Variants in ZNF536 observed in about 807,000 individuals in gnomAD.
ZNF536 encodes zinc finger protein 536.
In ZNF536, 13 loss-of-function variants were observed where a neutral mutation model predicts 84.5. The observed-to-expected ratio is 0.15, with a 90% confidence interval of 0.10 to 0.24. ZNF536 has a LOEUF of 0.24. Ranked by LOEUF, ZNF536 falls within the 10% of genes least tolerant of loss-of-function variation. ZNF536 has a pLI of 1.00. For missense variants in ZNF536, 1,536 were observed against 1,747.5 expected (o/e 0.88, Z 2.16); for synonymous variants, 811 against 742.5 (o/e 1.09, Z -1.50).
chr19:30,575,682 A>G (rs946676619), intron 1 of ZNF536, among the ~76,000 whole-genome samples: 1 of 152,198 alleles, frequency 6.6e-6, no homozygotes, highest in Non-Finnish European at 1.5e-5. Flanking sequence ...TGAGAAGGCT[A>G]TGGAGAGAAA....
chr19:30,673,739 C>T (rs1333138441), intron 1 of ZNF536, among the ~76,000 whole-genome samples: 2 of 152,212 alleles, frequency 1.3e-5, no homozygotes, highest in African/African-American at 2.4e-5. Context: ...CACCCCAAAC[C>T]GTGCACGGAC....
At chr19:30,325,907 C>T (rs966240440) in intron 2 of ZNF536, among the ~76,000 whole-genome samples, 142 of 152,218 alleles carry the variant, frequency 9.3e-4, no homozygotes, top group Non-Finnish European at 1.1e-3. Flanking sequence ...CTAACTGTGA[C>T]GGGAGGGGCT....
chr19:30,671,507 G>A (rs1473670152), intron 1 of ZNF536, among the ~76,000 whole-genome samples: 1 of 152,126 alleles, frequency 6.6e-6, no homozygotes. Context: ...AAGTGACTCT[G>A]GGGCTTCAGG....
intron 2 of ZNF536, among the ~76,000 whole-genome samples, chr19:30,453,690 C>A (rs1420371662): frequency 2.0e-5 from 3 of 152,208 alleles, no homozygotes; most frequent in Admixed American, 6.5e-5. Context: ...ACTGCAGAGT[C>A]CCAAAACAAT....
At chr19:30,261,876 T>C (rs2025245636) in intron 1 of ZNF536, among the ~76,000 whole-genome samples, 1 of 152,070 alleles carries the variant, frequency 6.6e-6, no homozygotes, top group Non-Finnish European at 1.5e-5. Context: ...TGAACCTCCT[T>C]GGCCATCCCC....
At chr19:30,415,960 T>C (rs960134846) in intron 1 of ZNF536, among the ~76,000 whole-genome samples, 1 of 152,206 alleles carries the variant, frequency 6.6e-6, no homozygotes, top group Non-Finnish European at 1.5e-5. Flanking sequence ...CTGGAACTTC[T>C]ACTTGATGGG....
At chr19:30,448,812 AG>A (rs1167968154) in intron 2 of ZNF536, among the ~76,000 whole-genome samples, 1 of 152,188 alleles carries the variant, frequency 6.6e-6, no homozygotes, top group Non-Finnish European at 1.5e-5. Context: ...TTTGCAAAGA[AG>A]GATTGGGAAC....
intron 1 of ZNF536, among the ~76,000 whole-genome samples, chr19:30,577,719 G>GC (rs2046789040): frequency 6.6e-6 from 1 of 152,160 alleles, no homozygotes; most frequent in African/African-American, 2.4e-5. Context: ...ATTCAGTGCT[G>GC]CCCCTGTCTG....
intron 1 of ZNF536, among the ~76,000 whole-genome samples, chr19:30,620,645 G>A (rs1033206402): frequency 1.3e-5 from 2 of 152,132 alleles, no homozygotes; most frequent in East Asian, 1.9e-4. Context: ...TGGAGACATC[G>A]GGGTGAGCTG....
At chr19:30,659,428 C>CCCA in intron 1 of ZNF536, among the ~76,000 whole-genome samples, 1 of 152,222 alleles carries the variant, frequency 6.6e-6, no homozygotes, top group East Asian at 1.9e-4. Context: ...TCCAATCACT[C>CCCA]CCACCAGGTC....
At chr19:30,665,650 T>G (rs2050288087) in intron 1 of ZNF536, 1 of 152,272 alleles carries the variant, frequency 6.6e-6, no homozygotes, top group South Asian at 2.1e-4. Flanking sequence ...GGGTAAATTC[T>G]GTTTCGAAAC....
At chr19:30,244,278 A>G (rs1275547802) in intron 1 of ZNF536, among the ~76,000 whole-genome samples, 1 of 151,908 alleles carries the variant, frequency 6.6e-6, no homozygotes, top group Non-Finnish European at 1.5e-5. Context: ...AGTTCTTCAT[A>G]GAGTCTTTAA....
chr19:30,570,830 C>T (rs923867765), intron 1 of ZNF536, among the ~76,000 whole-genome samples: 10 of 152,166 alleles, frequency 6.6e-5, no homozygotes, highest in African/African-American at 1.9e-4. Context: ...ATGAAAATAG[C>T]GTTCGCTGCT....
At chr19:30,700,560 A>T (rs951738879) in intron 1 of ZNF536, among the ~76,000 whole-genome samples, 1 of 151,820 alleles carries the variant, frequency 6.6e-6, no homozygotes, top group African/African-American at 2.4e-5. Context: ...GCTCATTTTA[A>T]AATTTTTGTA....
At chr19:30,450,996 C>T (rs1378312396) in intron 2 of ZNF536, among the ~76,000 whole-genome samples, 7 of 152,270 alleles carry the variant, frequency 4.6e-5, no homozygotes, top group Non-Finnish European at 8.8e-5. Context: ...CGTGTGCAGG[C>T]GGCCGCCGTG....
intron 1 of ZNF536, among the ~76,000 whole-genome samples, chr19:30,566,644 G>T (rs946443606): frequency 6.6e-6 from 1 of 150,764 alleles, no homozygotes; most frequent in Non-Finnish European, 1.5e-5. Flanking sequence ...GGCAGTGGGG[G>T]GATCCCTGCC....
At chr19:30,336,727 C>A (rs977923156) in intron 2 of ZNF536, among the ~76,000 whole-genome samples, 23 of 152,048 alleles carry the variant, frequency 1.5e-4, no homozygotes, top group African/African-American at 5.6e-4. Flanking sequence ...TCGGAGAGGT[C>A]AGTACAGGCC....
intron 1 of ZNF536, among the ~76,000 whole-genome samples, chr19:30,627,110 G>A (rs2048709112): frequency 6.6e-6 from 1 of 152,074 alleles, no homozygotes; most frequent in African/African-American, 2.4e-5. Context: ...TTGCTCCTCT[G>A]CTATCTGCCT....
At chr19:30,635,219 A>T (rs1257126373) in intron 1 of ZNF536, among the ~76,000 whole-genome samples, 1 of 152,202 alleles carries the variant, frequency 6.6e-6, no homozygotes, top group Non-Finnish European at 1.5e-5. Flanking sequence ...CATCCCAAAC[A>T]ACGCTAAGTA....
Sources: gnomAD v4.1 joint callset for allele counts (sites outside exome capture counted in the v4.1 genomes callset) on GRCh38, gnomAD v4.1.1 for gene constraint, MANE v1.5 for transcripts, NCBI Gene and HGNC (gene_info 2026-07-23, HGNC 2026-07-21) for gene names.